MOB3B: variants seen among roughly 807,000 people sequenced by gnomAD.
MOB3B encodes the protein MOB kinase activator 3B.
A neutral mutation model predicts 18.7 loss-of-function variants in MOB3B; 7 were observed. That is an observed-to-expected ratio of 0.37 (90% CI 0.21 to 0.70). The LOEUF (loss-of-function observed/expected upper bound fraction) is 0.70, where lower values mean the gene tolerates loss of function less well. Among genes scored for constraint, MOB3B ranks in the 30% least tolerant of loss-of-function variants. The pLI, the probability that MOB3B is intolerant of heterozygous loss-of-function variation, is 0.52. For missense variants in MOB3B, 253 were observed against 281.3 expected (o/e 0.90, Z 0.72); for synonymous variants, 111 against 99.9 (o/e 1.11, Z -0.66).
At chr9:27,480,724 C>G (rs1245402130) in intron 1 of MOB3B, among the ~76,000 whole-genome samples, 2 of 151,850 alleles carry the variant, frequency 1.3e-5, no homozygotes, top group Admixed American at 1.3e-4. Flanking sequence ...AGCCACCGTG[C>G]CTAGGCAGAA....
chr9:27,502,356 G>T (rs1278080921), intron 1 of MOB3B, among the ~76,000 whole-genome samples: 1 of 152,110 alleles, frequency 6.6e-6, no homozygotes, highest in East Asian at 1.9e-4. Flanking sequence ...CTTATTTTAG[G>T]ATTTAATTTA....
intron 2 of MOB3B, among the ~76,000 whole-genome samples, chr9:27,416,473 T>C (rs927749297): frequency 2.6e-5 from 4 of 151,142 alleles, no homozygotes; most frequent in Admixed American, 2.6e-4. Context: ...ATTCTACCTA[T>C]AAAACACATT....
intron 2 of MOB3B, chr9:27,397,317 A>G (rs1269820385): frequency 6.6e-6 from 1 of 152,184 alleles, no homozygotes; most frequent in African/African-American, 2.4e-5. Flanking sequence ...AAAAAAAAAA[A>G]AGATCATCAA....
At chr9:27,355,019 G>A (rs1821165804) in intron 3 of MOB3B, among the ~76,000 whole-genome samples, 1 of 152,198 alleles carries the variant, frequency 6.6e-6, no homozygotes, top group South Asian at 2.1e-4. Flanking sequence ...TGAGGAAAAT[G>A]AAGCTTTGAA....
intron 2 of MOB3B, among the ~76,000 whole-genome samples, chr9:27,405,408 T>A (rs755939345): frequency 7.9e-5 from 12 of 152,252 alleles, no homozygotes; most frequent in Middle Eastern, 3.4e-3. Context: ...GCCCAACCTG[T>A]CCATTTTTTA....
intron 2 of MOB3B, among the ~76,000 whole-genome samples, chr9:27,446,204 A>C (rs1822690175): frequency 1.3e-5 from 2 of 150,192 alleles, no homozygotes; most frequent in South Asian, 4.2e-4. Flanking sequence ...GTGACAAAAA[A>C]TTCAACTGCC....
chr9:27,382,471 G>A (rs914542652), intron 2 of MOB3B, among the ~76,000 whole-genome samples: 1 of 152,034 alleles, frequency 6.6e-6, no homozygotes, highest in Non-Finnish European at 1.5e-5. Context: ...GAAGATCAGG[G>A]CCAATCCTTC....
chr9:27,357,534 G>C (rs535621213), intron 3 of MOB3B, among the ~76,000 whole-genome samples: 3 of 151,982 alleles, frequency 2.0e-5, no homozygotes, highest in Admixed American at 2.0e-4. Flanking sequence ...ATTCAAATTA[G>C]CCAACCCTAA....
At chr9:27,486,632 A>G (rs1416095075) in intron 1 of MOB3B, among the ~76,000 whole-genome samples, 1 of 152,190 alleles carries the variant, frequency 6.6e-6, no homozygotes, top group Non-Finnish European at 1.5e-5. Flanking sequence ...ATTACAATCT[A>G]ATTTTCCAGC....
intron 2 of MOB3B, among the ~76,000 whole-genome samples, chr9:27,423,021 A>G (rs1822278494): frequency 6.6e-6 from 1 of 152,220 alleles, no homozygotes; most frequent in Admixed American, 6.5e-5. Context: ...TGAAAATACT[A>G]CAGAGCTGAG....
At chr9:27,454,523 T>C (rs1312363440) in intron 2 of MOB3B, among the ~76,000 whole-genome samples, 1 of 152,230 alleles carries the variant, frequency 6.6e-6, no homozygotes, top group Non-Finnish European at 1.5e-5. Flanking sequence ...TCCTTCCTTT[T>C]GAAGTGTTTT....
chr9:27,385,409 G>T (rs1821639018), intron 2 of MOB3B, among the ~76,000 whole-genome samples: 1 of 152,120 alleles, frequency 6.6e-6, no homozygotes, highest in African/African-American at 2.4e-5. Context: ...ACTGACTGGT[G>T]GTTTTGAAAC....
At position 27,473,617 on chromosome 9, in the gene MOB3B, T is replaced by C. The variant is rs79979367; in HGVS notation, c.-198-17869A>G. 1.6e-3 allele frequency among the ~76,000 whole-genome samples: 245 copies of C among 152,204 alleles called. 2 individuals carry two copies. Among genetic ancestry groups the C allele is most frequent in the African/African-American group, 5.5e-3 (228 of 41,522 alleles). ...GTGTGGGAAGGAATCTAGCACCTTC[T>C]CCAACCAAGAGGTCAGCCCCAAACA... On this transcript the variant is annotated intron_variant, in intron 1 of 3. Transcript: ENST00000262244.
intron 3 of MOB3B, among the ~76,000 whole-genome samples, chr9:27,332,507 C>G (rs1228067751): frequency 6.6e-6 from 1 of 152,122 alleles, no homozygotes; most frequent in Non-Finnish European, 1.5e-5. Flanking sequence ...CTATAAGATG[C>G]CAGGTGCTTT....
chr9:27,474,632 TGGAG>T (rs543479164), intron 1 of MOB3B, among the ~76,000 whole-genome samples: 140 of 152,354 alleles, frequency 9.2e-4, no homozygotes, highest in African/African-American at 3.2e-3. Context: ...CTGGAAGTTT[TGGAG>T]GGGTGAGAAA....
chr9:27,512,744 A>G, intron 1 of MOB3B, among the ~76,000 whole-genome samples: 1 of 152,242 alleles, frequency 6.6e-6, no homozygotes, highest in East Asian at 1.9e-4. Flanking sequence ...GCTCTCATCT[A>G]CATTTAGTAA....
At chr9:27,448,137 T>C (rs115587667) in intron 2 of MOB3B, among the ~76,000 whole-genome samples, 216 of 152,270 alleles carry the variant, frequency 1.4e-3, no homozygotes, top group African/African-American at 4.9e-3. Flanking sequence ...ACATGAGATG[T>C]TGGAGTCATT....
chr9:27,411,662 A>C (rs1587192137), intron 2 of MOB3B, among the ~76,000 whole-genome samples: 1 of 152,352 alleles, frequency 6.6e-6, no homozygotes, highest in East Asian at 1.9e-4. Flanking sequence ...CAAAGAAAGA[A>C]ATAAATAAAC....
intron 2 of MOB3B, among the ~76,000 whole-genome samples, chr9:27,433,406 A>C (rs1822445919): frequency 6.6e-6 from 1 of 152,172 alleles, no homozygotes; most frequent in Admixed American, 6.5e-5. Flanking sequence ...GCCATGAATT[A>C]AGCCACATAG....
Sources: gnomAD v4.1 joint callset for allele counts (sites outside exome capture counted in the v4.1 genomes callset) on GRCh38, gnomAD v4.1.1 for gene constraint, MANE v1.5 for transcripts, NCBI Gene and HGNC (gene_info 2026-07-23, HGNC 2026-07-21) for gene names.